The following TTF2 variants were observed in gnomAD, a reference collection of about 807,000 sequenced individuals.
TTF2 encodes the protein transcription termination factor 2.
Under a neutral mutation model 142.4 loss-of-function variants are expected in TTF2, and 108 were observed. That is an observed-to-expected ratio of 0.76 (90% CI 0.65 to 0.89). TTF2 has a LOEUF of 0.89. Ranked by LOEUF, TTF2 falls within the 40% of genes least tolerant of loss-of-function variation. The probability of loss-of-function intolerance (pLI) is 0.00; values close to 1 mark genes in which losing one functional copy is unlikely to be tolerated. For synonymous variants in TTF2, 483 were observed against 506.2 expected, an observed-to-expected ratio of 0.95 and a Z score of 0.61; for missense variants, 1,327 against 1,379.8, an observed-to-expected ratio of 0.96 and a Z score of 0.61.
chr1:117,073,688 G>A lies in TTF2; in HGVS notation c.246G>A (p.Lys82=). 6.2e-7 allele frequency: 1 copy of A among 1,612,294 alleles called. No individual in the cohort carries two copies. The highest frequency in any genetic ancestry group is 8.5e-7 in the Non-Finnish European group (1 of 1,178,744). ...YRLFFRCIRS[K]AEGKRWCGSI... is the part of the protein sequence containing the mutation. Reference sequence around the variant, plus strand: ...TGTTCTTCCGATGCATTAGAAGTAAGGCAGAGGGGAAACGCTGGTGTGGAA... The same window carrying A: ...TGTTCTTCCGATGCATTAGAAGTAAAGCAGAGGGGAAACGCTGGTGTGGAA... The change falls in exon 4 of 23, where the codon AAG becomes AAA. Residue 82 remains lysine, a synonymous_variant. Coordinates refer to ENST00000369466, the MANE Select transcript of TTF2 (RefSeq NM_003594.4). The surrounding 1 kb of genome is among the most constrained non-coding windows in gnomAD (Gnocchi z 4.4).
rs544511918 is a variant in TTF2 at position 117,080,008 on chromosome 1, C to CTT, written c.1783+376_1783+377dup. Among the ~76,000 whole-genome samples the CTT allele has an allele frequency of 7.9e-5, 11 of 138,956 alleles. No homozygotes were observed. Among genetic ancestry groups the CTT allele is most frequent in the South Asian group, 2.3e-4 (1 of 4,418 alleles). 91.2% of individuals were successfully genotyped at this position (138,956 alleles called of 152,430 possible). ...ACAAACAGCAGTCTATTGCCTCCCT[C>CTT]TTTTTTTTTTTTTTTTTTGAGATGG... On this transcript the variant is annotated intron_variant, in intron 9 of 22. Transcript: ENST00000369466. This position sits in a 1 kb window ranked among gnomAD's most constrained non-coding sequence, Gnocchi z 4.3.
Position 117,076,198 on chromosome 1 carries a change from A to G in TTF2, c.1294A>G (p.Asn432Asp). 6.2e-7 allele frequency: 1 copy of G among 1,613,942 alleles called. No individual in the cohort carries two copies. The highest frequency in any genetic ancestry group is 8.5e-7 in the Non-Finnish European group (1 of 1,179,856). Residue 432 changes from asparagine to aspartate, a missense_variant, in exon 6 of 23, where the codon AAC (asparagine) becomes GAC (aspartate). Transcript: ENST00000369466. The surrounding 1 kb of genome is among the most constrained non-coding windows in gnomAD (Gnocchi z 4.6). ...TTTTCAGAGCACACTGGCATCAGTG[A>G]ACATCCAGGCTCTTCCAGACAAGGG... ...KQKKSTLASV[N>D]IQALPDKGQK... is the part of the protein sequence containing the mutation.
chr1:117,074,702 ACTAT>A (rs140907679), intron 4 of TTF2, among the ~76,000 whole-genome samples, 164 bp from the exon 5 acceptor site: 3,519 of 151,726 alleles, frequency 0.023, 76 homozygotes, highest in South Asian at 0.1. Flanking sequence ...GGGTTAAGAA[ACTAT>A]CTATTGGGCA....
chr1:117,097,545 G>C lies in TTF2; in HGVS notation c.3269+112G>C, dbSNP rs192551490. 1.1e-4 allele frequency: 112 copies of C among 990,750 alleles called. No individual in the cohort carries two copies. In the African/African-American group the frequency reaches 1.4e-3, roughly 13 times the overall value. 61.4% of individuals were successfully genotyped at this position (990,750 alleles called of 1,614,324 possible). A position where few individuals can be genotyped will look rare whatever the true frequency, so the allele number is the denominator to read the frequency against. On this transcript the variant is annotated intron_variant, in intron 21 of 22. Coordinates refer to ENST00000369466, the MANE Select transcript of TTF2 (RefSeq NM_003594.4). The surrounding 1 kb of genome is among the most constrained non-coding windows in gnomAD (Gnocchi z 4.1). ...TTGATTGCTGTGTTCGTATTGCAGAGATGCCTTGCTTTGTATGTGTCTATA... is the reference window on the plus strand; with the variant it reads ...TTGATTGCTGTGTTCGTATTGCAGACATGCCTTGCTTTGTATGTGTCTATA...
At position 117,060,333 on chromosome 1, in the gene TTF2, G is replaced by A. The variant is rs779897219; in HGVS notation, c.-14G>A. 7 of 1,596,000 alleles carry A rather than the reference G, an allele frequency of 4.4e-6. No homozygotes were observed. The African/African-American group carries it at 6.7e-5, about 15-fold the overall frequency. ...TGGGGGCGGGGCTTTGTGGAACTTG[G>A]GGGACCCAGCGAAATGGAAGAAGTT... On this transcript the variant is annotated 5_prime_UTR_variant, in exon 1 of 23. Transcript: ENST00000369466.
chr1:117,066,027 C>T (rs138720424), intron 3 of TTF2, among the ~76,000 whole-genome samples: 2 of 113,802 alleles, frequency 1.8e-5, no homozygotes, highest in South Asian at 2.9e-4. Context: ...TGTAGAGACA[C>T]GGTCTCACTG....
rs1647904364 is a variant in TTF2, at chr1:117,085,272, G to A, written c.2054+1104G>A. Among the ~76,000 whole-genome samples the A allele has an allele frequency of 6.6e-6, 1 of 152,102 alleles. No individual in the cohort carries two copies. Among genetic ancestry groups the A allele is most frequent in the Non-Finnish European group, 1.5e-5 (1 of 68,018 alleles). On this transcript the variant is annotated intron_variant, in intron 11 of 22. Coordinates refer to ENST00000369466, the MANE Select transcript of TTF2 (RefSeq NM_003594.4). This position sits in a 1 kb window ranked among gnomAD's most constrained non-coding sequence, Gnocchi z 4.7. ...AAAGTATTTATTGAGGTTCTCTTGG[G>A]GCTGGGCATGGTGGCTCATGCCTAT... is the stretch of plus-strand genomic sequence containing the variant.
At chr1:117,069,683 A>G (rs1656427652) in intron 3 of TTF2, among the ~76,000 whole-genome samples, 2 of 152,236 alleles carry the variant, frequency 1.3e-5, no homozygotes. Context: ...CTGATGTTTC[A>G]GAACTAATTA....
chr1:117,076,566 C>A lies in TTF2; in HGVS notation c.1391-75C>A, dbSNP rs1174117975. ...AATGGTGATGATCCCTCTCTCTTGA[C>A]CTCACCTCCACACATATGGTCCCTT... On this transcript the variant is annotated intron_variant, in intron 6 of 22. Coordinates refer to ENST00000369466, the MANE Select transcript of TTF2 (RefSeq NM_003594.4). The surrounding 1 kb of genome is among the most constrained non-coding windows in gnomAD (Gnocchi z 4.6). 36 of 1,439,386 alleles carry A rather than the reference C, an allele frequency of 2.5e-5. No individual in the cohort carries two copies. The South Asian group carries it at 4.2e-4, about 17-fold the overall frequency. The allele number at this position is 1,439,386 out of a possible 1,614,324, so 89.2% of individuals were successfully genotyped here.
intron 3 of TTF2, among the ~76,000 whole-genome samples, chr1:117,062,697 A>G (rs1384053355): frequency 6.6e-6 from 1 of 152,208 alleles, no homozygotes; most frequent in Non-Finnish European, 1.5e-5. Flanking sequence ...TGGCTCCACA[A>G]TCATCCCTCT....
chr1:117,076,633 C>A lies in TTF2; in HGVS notation c.1391-8C>A. 3.1e-6 allele frequency: 5 copies of A among 1,601,162 alleles called. No homozygotes were observed. Among genetic ancestry groups the A allele is most frequent in the Non-Finnish European group, 4.3e-6 (5 of 1,172,610 alleles). ...CTTTAATCTGCTCTTCCCTTGTTTT[C>A]TGAGCAGGAACTAATGAGAAGAGTA... On this transcript the variant is annotated splice_region_variant and splice_polypyrimidine_tract_variant and intron_variant, in intron 6 of 22. Transcript: ENST00000369466. This position sits in a 1 kb window ranked among gnomAD's most constrained non-coding sequence, Gnocchi z 4.6.
In TTF2 at chr1:117,097,232, A is replaced by G. The variant is rs1649228021; in HGVS notation, c.3187-119A>G. ...AAAAAAAAAAACAATTTATAACAGC[A>G]GAAGGAAATTTGATAGGAACACAGT... On this transcript the variant is annotated intron_variant, in intron 20 of 22. Transcript: ENST00000369466. The surrounding 1 kb of genome is among the most constrained non-coding windows in gnomAD (Gnocchi z 4.1). The G allele has an allele frequency of 1.2e-6, 1 of 841,128 alleles. No individual in the cohort carries two copies. Among genetic ancestry groups the G allele is most frequent in the South Asian group, 1.6e-5 (1 of 61,690 alleles). The allele number at this position is 841,128 out of a possible 1,614,324, so 52.1% of individuals were successfully genotyped here.
chr1:117,095,887 G>C (rs1010549227), intron 19 of TTF2, among the ~76,000 whole-genome samples: 1 of 152,020 alleles, frequency 6.6e-6, no homozygotes, highest in Non-Finnish European at 1.5e-5. Flanking sequence ...AAAGAAGGCT[G>C]GAGTCATCAC....
chr1:117,060,411 G>T, intron 1 of TTF2, 37 bp downstream of exon 1: 1 of 1,608,976 alleles, frequency 6.2e-7, no homozygotes, highest in Non-Finnish European at 8.5e-7. Context: ...GGGGCCTGTT[G>T]ATTTAGCGTG....
chr1:117,089,219 T>TTA (rs1224252888), intron 13 of TTF2, among the ~76,000 whole-genome samples: 2 of 144,168 alleles, frequency 1.4e-5, no homozygotes, highest in South Asian at 2.2e-4. Context: ...ATATAGGACT[T>TTA]TATATATGCA....
At chr1:117,082,657 CTAGAT>C (rs995009311) in intron 10 of TTF2, among the ~76,000 whole-genome samples, 1 of 151,990 alleles carries the variant, frequency 6.6e-6, no homozygotes, top group African/African-American at 2.4e-5. Flanking sequence ...CTAGAAGTTC[CTAGAT>C]TATAGACACT....
rs150061894 is a variant in TTF2, at chr1:117,092,067, G to A, written c.2805+117G>A. 131 of 1,190,852 alleles carry A rather than the reference G, an allele frequency of 1.1e-4. No individual in the cohort carries two copies. In the African/African-American group the frequency reaches 1.5e-3, roughly 14 times the overall value. 73.8% of individuals were successfully genotyped at this position (1,190,852 alleles called of 1,614,324 possible). A position where few individuals can be genotyped will look rare whatever the true frequency, so the allele number is the denominator to read the frequency against. ...GCTTGATCAAAGGAAATGCTGTTTC[G>A]GTTTTTCTATTTTTGTTTTTTGGTG... is the stretch of plus-strand genomic sequence containing the variant. On this transcript the variant is annotated intron_variant, in intron 17 of 22. Coordinates refer to ENST00000369466, the MANE Select transcript of TTF2 (RefSeq NM_003594.4). This position sits in a 1 kb window ranked among gnomAD's most constrained non-coding sequence, Gnocchi z 4.4.
intron 20 of TTF2, 137 bp downstream of exon 20, chr1:117,096,436 A>C: frequency 8.9e-7 from 1 of 1,128,824 alleles, no homozygotes; most frequent in Non-Finnish European, 1.2e-6. Context: ...GGACTGCAAT[A>C]GTGCTATCTT....
At position 117,086,823 on chromosome 1, in the gene TTF2, T is replaced by C. The variant is rs985009225; in HGVS notation, c.2160+301T>C. Among the ~76,000 whole-genome samples the C allele has an allele frequency of 6.6e-6, 1 of 152,154 alleles. No individual in the cohort carries two copies. The highest frequency in any genetic ancestry group is 2.4e-5 in the African/African-American group (1 of 41,438). ...TATATAAAAGCCTTACTTGTTGCTA[T>C]TTTTATTTTAGAGTATTTGGGGTAT... is the stretch of plus-strand genomic sequence containing the variant. On this transcript the variant is annotated intron_variant, in intron 12 of 22. Transcript: ENST00000369466. This position sits in a 1 kb window ranked among gnomAD's most constrained non-coding sequence, Gnocchi z 4.2.
Sources: gnomAD v4.1 joint callset for allele counts (sites outside exome capture counted in the v4.1 genomes callset) on GRCh38, gnomAD v4.1.1 for gene constraint, Gnocchi (gnomAD v3.1) non-coding constraint, MANE v1.5 for transcripts, NCBI Gene and HGNC (gene_info 2026-07-23, HGNC 2026-07-21) for gene names.